The following EDN1 variants were observed in gnomAD, a reference collection of about 807,000 sequenced individuals.
EDN1 encodes the protein endothelin-1.
Under a neutral mutation model 21.7 loss-of-function variants are expected in EDN1, and 11 were observed. The observed-to-expected ratio is 0.51, with a 90% CI of 0.32 to 0.84. The LOEUF is 0.84. Among genes scored for constraint, EDN1 ranks in the 40% least tolerant of loss-of-function variants. EDN1 has a pLI of 0.03. For synonymous variants in EDN1, 85 were observed against 90.6 expected (o/e 0.94, Z 0.35); for missense variants, 244 against 262.3 (o/e 0.93, Z 0.48).
the EDN1 span, among the ~76,000 whole-genome samples, chr6:12,236,768 CTTTT>C: frequency 2.1e-5 from 3 of 144,416 alleles, no homozygotes; most frequent in Admixed American, 2.0e-4. Context: ...GCCAATATTT[CTTTT>C]TTTTTTTTTG....
the EDN1 span, among the ~76,000 whole-genome samples, chr6:12,279,392 T>C: frequency 6.6e-6 from 1 of 152,132 alleles, no homozygotes; most frequent in Admixed American, 6.5e-5. Context: ...CCACGCTAGA[T>C]AGCTGGTGTG....
At chr6:12,278,375 T>G in the EDN1 span, among the ~76,000 whole-genome samples, 5 of 152,194 alleles carry the variant, frequency 3.3e-5, no homozygotes, top group African/African-American at 1.2e-4. Flanking sequence ...TCCTTTCCTT[T>G]TATTGAACTG....
chr6:12,232,647 A>G, the EDN1 span, among the ~76,000 whole-genome samples: 23 of 152,354 alleles, frequency 1.5e-4, no homozygotes, highest in South Asian at 4.6e-3. Context: ...TAAATGTCTT[A>G]GTTAAGATGA....
At chr6:12,276,161 C>CAAAAA in the EDN1 span, among the ~76,000 whole-genome samples, 1 of 68,622 alleles carries the variant, frequency 1.5e-5, no homozygotes, top group Middle Eastern at 8.6e-3. Flanking sequence ...GACTCCATCT[C>CAAAAA]AAAAAAAAAA....
the EDN1 span, among the ~76,000 whole-genome samples, chr6:12,240,643 C>T: frequency 6.6e-6 from 1 of 152,112 alleles, no homozygotes; most frequent in East Asian, 1.9e-4. Context: ...TTTGGTGGAA[C>T]TCTGGGATTC....
upstream of EDN1, among the ~76,000 whole-genome samples, chr6:12,287,702 T>C (rs1385392718): frequency 2.6e-5 from 2 of 76,256 alleles, no homozygotes; most frequent in Admixed American, 1.9e-4. Context: ...TCTCTCTCTC[T>C]CTCTCTCTCT....
At chr6:12,293,873 G>A in intron 2 of EDN1, 68 bp from the exon 3 acceptor site, 2 of 1,562,610 alleles carry the variant, frequency 1.3e-6, no homozygotes, top group Non-Finnish European at 1.8e-6. Context: ...TGGAATAGGT[G>A]TGTCCATGTG....
the EDN1 span, among the ~76,000 whole-genome samples, chr6:12,269,113 T>A: frequency 6.6e-6 from 1 of 152,064 alleles, no homozygotes; most frequent in Non-Finnish European, 1.5e-5. Flanking sequence ...ATTGCTTCCT[T>A]TCTTTCTTTT....
In EDN1 at chr6:12,294,419, A is replaced by G. The variant is rs190219262; in HGVS notation, c.533+15A>G. 5.1e-4 allele frequency: 817 copies of G among 1,614,016 alleles called. 4 individuals are homozygous for G. The African/African-American group carries it at 8.9e-3, about 18-fold the overall frequency. On this transcript the variant is annotated intron_variant, in intron 4 of 4. Transcript: ENST00000379375. ...AGACAAACCAGGTAAGAGGGAAGGA[A>G]GAAAAATTAGGTAAGAGGTTCACAA... is the stretch of plus-strand genomic sequence containing the variant.
chr6:12,271,297 T>G, the EDN1 span, among the ~76,000 whole-genome samples: 1 of 152,176 alleles, frequency 6.6e-6, no homozygotes, highest in African/African-American at 2.4e-5. Context: ...TTGGGTGATT[T>G]TCTGTAGTAA....
the EDN1 span, among the ~76,000 whole-genome samples, chr6:12,282,747 T>C: frequency 6.6e-5 from 10 of 152,202 alleles, no homozygotes; most frequent in Non-Finnish European, 1.0e-4. Flanking sequence ...CCCACATTTC[T>C]CTAAAATAAA....
the EDN1 span, among the ~76,000 whole-genome samples, chr6:12,262,624 C>A: frequency 6.6e-6 from 1 of 152,140 alleles, no homozygotes; most frequent in Non-Finnish European, 1.5e-5. Flanking sequence ...GTAATCCCAG[C>A]ACTTTGGGAG....
the EDN1 span, among the ~76,000 whole-genome samples, chr6:12,239,726 T>C: frequency 1.6e-4 from 25 of 151,978 alleles, no homozygotes; most frequent in African/African-American, 5.1e-4. Flanking sequence ...TTGGGCAACA[T>C]AGGGAGACCT....
At chr6:12,291,661 G>A (rs1156658689) in intron 1 of EDN1, among the ~76,000 whole-genome samples, 1 of 152,108 alleles carries the variant, frequency 6.6e-6, no homozygotes, top group Non-Finnish European at 1.5e-5. Context: ...CCAGGGATTC[G>A]GAATTCAAAA....
chr6:12,239,644 C>T, the EDN1 span, among the ~76,000 whole-genome samples: 12 of 152,260 alleles, frequency 7.9e-5, no homozygotes, highest in African/African-American at 2.4e-4. Context: ...TGCAGTGACT[C>T]GCACCTCTAA....
At chr6:12,288,797 A>G (rs3756863), upstream of EDN1, among the ~76,000 whole-genome samples, 45,291 of 152,086 alleles carry the variant, frequency 0.3, 7,991 homozygotes, top group African/African-American at 0.49. Context: ...GGAGGAGGGA[A>G]AAAAGGTTTC....
chr6:12,250,005 G>A, the EDN1 span, among the ~76,000 whole-genome samples: 1 of 152,048 alleles, frequency 6.6e-6, no homozygotes, highest in Non-Finnish European at 1.5e-5. Flanking sequence ...TTTGGCATAT[G>A]TGGAAATGTA....
At chr6:12,256,365 C>T in the EDN1 span, among the ~76,000 whole-genome samples, 45,076 of 151,712 alleles carry the variant, frequency 0.3, 8,202 homozygotes, top group South Asian at 0.44. Context: ...AAAACAAAAC[C>T]GCAAAACAAA....
the EDN1 span, among the ~76,000 whole-genome samples, chr6:12,269,456 G>C: frequency 6.6e-6 from 1 of 152,036 alleles, no homozygotes; most frequent in Admixed American, 6.6e-5. Context: ...TGATTTAACT[G>C]TGGGTTTGTC....
Sources: allele counts gnomAD v4.1 joint callset (sites outside exome capture counted in the v4.1 genomes callset), GRCh38; gene constraint gnomAD v4.1.1; transcripts MANE v1.5; gene names NCBI Gene and HGNC (gene_info 2026-07-23, HGNC 2026-07-21).